SCUBE3: variants seen among roughly 807,000 people sequenced by gnomAD.
The protein encoded by SCUBE3 is signal peptide, CUB domain and EGF like domain containing 3, also known as signal peptide, CUB and EGF-like domain-containing protein 3.
A neutral mutation model predicts 116.8 loss-of-function variants in SCUBE3; 33 were observed. The ratio of observed to expected loss-of-function variants is 0.28; its 90% CI spans 0.21 to 0.38. The LOEUF (loss-of-function observed/expected upper bound fraction) is 0.38, where lower values mean the gene tolerates loss of function less well. Among genes scored for constraint, SCUBE3 ranks in the 10% least tolerant of loss-of-function variants. The probability of loss-of-function intolerance (pLI) is 1.00; values close to 1 mark genes in which losing one functional copy is unlikely to be tolerated. For missense variants in SCUBE3, 1,007 were observed against 1,324.8 expected, an observed-to-expected ratio of 0.76 and a Z score of 3.72; for synonymous variants, 418 against 496.9, an observed-to-expected ratio of 0.84 and a Z score of 2.11.
At chr6:35,237,269 A>G (rs1783814394) in intron 6 of SCUBE3, among the ~76,000 whole-genome samples, 1 of 152,194 alleles carries the variant, frequency 6.6e-6, no homozygotes, top group Admixed American at 6.5e-5. Context: ...AGGGTTTGGG[A>G]GGAGTTGAAG....
rs1784111279 is a variant in SCUBE3, at chr6:35,242,384, T to A, written c.1534+64T>A. ...CACTAAATCCTCCTTACCCCTCAGC[T>A]CCTCTGCTTCCAAAAACCCACCAGA... is the stretch of plus-strand genomic sequence containing the variant. On this transcript the variant is annotated intron_variant, in intron 13 of 21. Coordinates refer to ENST00000274938, the MANE Select transcript of SCUBE3 (RefSeq NM_152753.4). The A allele has an allele frequency of 4.1e-6, 5 of 1,207,876 alleles. No homozygotes were observed. In the South Asian group the frequency reaches 6.1e-5, roughly 15 times the overall value. 74.8% of individuals were successfully genotyped at this position (1,207,876 alleles called of 1,614,324 possible).
rs74676654 is a variant in SCUBE3, at chr6:35,248,765, G to A, written c.*60G>A. ...CCCAGACTCCTTAGCCCTCAGAGCC[G>A]GCAGCCCCCTACCCTCAGACAAGGA... is the stretch of plus-strand genomic sequence containing the variant. On this transcript the variant is annotated 3_prime_UTR_variant, in exon 22 of 22. Coordinates refer to ENST00000274938, the MANE Select transcript of SCUBE3 (RefSeq NM_152753.4). The A allele has an allele frequency of 0.011, 16,065 of 1,413,066 alleles. 1,647 individuals carry two copies. In the Admixed American group the frequency reaches 0.2, roughly 18 times the overall value. The allele number at this position is 1,413,066 out of a possible 1,614,324, so 87.5% of individuals were successfully genotyped here. A position where few individuals can be genotyped will look rare whatever the true frequency, so the allele number is the denominator to read the frequency against.
Position 35,241,117 on chromosome 6 carries a change from C to T in SCUBE3, c.1070-24C>T, listed in dbSNP as rs757961392. The T allele has an allele frequency of 6.4e-7, 1 of 1,566,518 alleles. No individual in the cohort carries two copies. The highest frequency in any genetic ancestry group is 8.7e-7 in the Non-Finnish European group (1 of 1,148,128). On this transcript the variant is annotated intron_variant, in intron 9 of 21. Transcript: ENST00000274938. The surrounding 1 kb of genome is among the most constrained non-coding windows in gnomAD (Gnocchi z 4.1). ...CTCCTCCAACTCCATCGTTGTTTTT[C>T]TGTCTCCCTACTCCTTCCCCCAGAT...
At position 35,244,270 on chromosome 6, in the gene SCUBE3, T is replaced by A. The variant is rs1334883028; in HGVS notation, c.2239+140T>A. The A allele has an allele frequency of 2.7e-6, 2 of 728,398 alleles. No homozygotes were observed. Among genetic ancestry groups the A allele is most frequent in the Non-Finnish European group, 4.5e-6 (2 of 447,176 alleles). 45.1% of individuals were successfully genotyped at this position (728,398 alleles called of 1,614,324 possible). A position where few individuals can be genotyped will look rare whatever the true frequency, so the allele number is the denominator to read the frequency against. ...CCCAGCTACTTGACCAACCATACCA[T>A]CCTGCTTCCAGGACCCACCCTGCCC... On this transcript the variant is annotated intron_variant, in intron 17 of 21. Coordinates refer to ENST00000274938, the MANE Select transcript of SCUBE3 (RefSeq NM_152753.4). This position sits in a 1 kb window ranked among gnomAD's most constrained non-coding sequence, Gnocchi z 4.3.
At chr6:35,248,471 C>T in intron 21 of SCUBE3, 85 bp from the exon 22 acceptor site, 1 of 1,297,026 alleles carries the variant, frequency 7.7e-7, no homozygotes, top group Non-Finnish European at 1.1e-6. Flanking sequence ...GCCTAGTAGA[C>T]ATCAAGAAGG....
chr6:35,241,373 G>A lies in SCUBE3; in HGVS notation c.1195+107G>A. The A allele has an allele frequency of 3.7e-6, 5 of 1,348,230 alleles. No homozygotes were observed. Among genetic ancestry groups the A allele is most frequent in the Non-Finnish European group, 5.2e-6 (5 of 963,150 alleles). 83.5% of individuals were successfully genotyped at this position (1,348,230 alleles called of 1,614,324 possible). A position where few individuals can be genotyped will look rare whatever the true frequency, so the allele number is the denominator to read the frequency against. ...ATTGGGGAAAGGTGTGAGGTGGAAAGGGTGGAGAATGTAGCCATTTTGAGT... is the reference window on the plus strand; with the variant it reads ...ATTGGGGAAAGGTGTGAGGTGGAAAAGGTGGAGAATGTAGCCATTTTGAGT... On this transcript the variant is annotated intron_variant, in intron 10 of 21. Transcript: ENST00000274938. This position sits in a 1 kb window ranked among gnomAD's most constrained non-coding sequence, Gnocchi z 4.1.
At position 35,233,160 on chromosome 6, in the gene SCUBE3, A is replaced by G; in HGVS notation, c.596-25A>G. On this transcript the variant is annotated intron_variant, in intron 5 of 21. Coordinates refer to ENST00000274938, the MANE Select transcript of SCUBE3 (RefSeq NM_152753.4). The surrounding 1 kb of genome is among the most constrained non-coding windows in gnomAD (Gnocchi z 5.7). ...TGGATGCAGGGAGGAGCAAGCTGAC[A>G]GGGCCCTGTCCTCTCTGTGCACAGT... The G allele has an allele frequency of 1.3e-6, 2 of 1,569,526 alleles. No individual in the cohort carries two copies. Among genetic ancestry groups the G allele is most frequent in the Non-Finnish European group, 1.8e-6 (2 of 1,140,424 alleles).
chr6:35,248,515 C>T, intron 21 of SCUBE3, 41 bp from the exon 22 acceptor site: 1 of 1,607,698 alleles, frequency 6.2e-7, no homozygotes, highest in Non-Finnish European at 8.5e-7. Context: ...TTTCCCACCC[C>T]CGACGGTGAG....
chr6:35,231,638 T>G lies in SCUBE3; in HGVS notation c.335-87T>G. The G allele has an allele frequency of 8.0e-7, 1 of 1,256,308 alleles. No homozygotes were observed. The highest frequency in any genetic ancestry group is 1.8e-5 in the South Asian group (1 of 55,454). The allele number at this position is 1,256,308 out of a possible 1,614,324, so 77.8% of individuals were successfully genotyped here. A position where few individuals can be genotyped will look rare whatever the true frequency, so the allele number is the denominator to read the frequency against. On this transcript the variant is annotated intron_variant, in intron 3 of 21. Coordinates refer to ENST00000274938, the MANE Select transcript of SCUBE3 (RefSeq NM_152753.4). The surrounding 1 kb of genome is among the most constrained non-coding windows in gnomAD (Gnocchi z 4.2). ...GCTGGGCTTAGGGGGTAGTAGTTCT[T>G]AAGACTGCCTTTGGTGCTGAAGTCT...
At chr6:35,248,445 A>G (rs1345395106) in intron 21 of SCUBE3, 111 bp from the exon 22 acceptor site, 2 of 983,834 alleles carry the variant, frequency 2.0e-6, no homozygotes, top group Non-Finnish European at 3.2e-6. Context: ...CCCTCTGGAT[A>G]TATTCAGTAT....
At chr6:35,242,065 C>A in intron 12 of SCUBE3, 139 bp from the exon 13 acceptor site, 1 of 840,344 alleles carries the variant, frequency 1.2e-6, no homozygotes, top group Non-Finnish European at 2.0e-6. Flanking sequence ...TCTGCCCTAA[C>A]ATCTGATCCC....
At chr6:35,226,055 G>T (rs140111752) in intron 1 of SCUBE3, among the ~76,000 whole-genome samples, 2 of 152,210 alleles carry the variant, frequency 1.3e-5, no homozygotes, top group Admixed American at 1.3e-4. Context: ...TTTCCAGCTG[G>T]AAGTAATCTC....
Position 35,241,986 on chromosome 6 carries a change from C to T in SCUBE3, c.1417+76C>T, listed in dbSNP as rs1232282946. 1.8e-6 allele frequency: 2 copies of T among 1,087,058 alleles called. No individual in the cohort carries two copies. Among genetic ancestry groups the T allele is most frequent in the Non-Finnish European group, 2.8e-6 (2 of 709,962 alleles). 67.3% of individuals were successfully genotyped at this position (1,087,058 alleles called of 1,614,324 possible). On this transcript the variant is annotated intron_variant, in intron 12 of 21. Coordinates refer to ENST00000274938, the MANE Select transcript of SCUBE3 (RefSeq NM_152753.4). This position sits in a 1 kb window ranked among gnomAD's most constrained non-coding sequence, Gnocchi z 4.1. ...CCCTTATTTTTGTTCTTCATCAATC[C>T]CCTGGCCTTCCTTTCTCCTGGATCC...
chr6:35,238,869 C>G (rs1783897037), intron 7 of SCUBE3, among the ~76,000 whole-genome samples: 1 of 152,122 alleles, frequency 6.6e-6, no homozygotes, highest in Admixed American at 6.6e-5. Context: ...TTCTTTGTGT[C>G]TTTTGGCCCA....
chr6:35,245,233 C>T lies in SCUBE3; in HGVS notation c.2407C>T (p.Gln803Ter). 6.2e-7 allele frequency: 1 copy of T among 1,614,132 alleles called. No individual in the cohort carries two copies. Among genetic ancestry groups the T allele is most frequent in the Non-Finnish European group, 8.5e-7 (1 of 1,179,974 alleles). Residue 803 changes from glutamine (Q) to a stop codon, truncating the protein, a stop_gained, in exon 19 of 22, where the codon CAG becomes TAG. Transcript: ENST00000274938. LOFTEE classifies it high-confidence loss of function. This position sits in a 1 kb window ranked among gnomAD's most constrained non-coding sequence, Gnocchi z 4.2. ...CCACTGGGGTTTGGCTGCAGATCGTCAGTGTGGTGGGGAGCTGGGTGAGTT... is the reference window on the plus strand; with the variant it reads ...CCACTGGGGTTTGGCTGCAGATCGTTAGTGTGGTGGGGAGCTGGGTGAGTT... ...STSVAQCKNR[Q>*]CGGELGEFTG...
chr6:35,224,543 G>C (rs1783245530), intron 1 of SCUBE3: 1 of 147,326 alleles, frequency 6.8e-6, no homozygotes, highest in Non-Finnish European at 1.5e-5. Flanking sequence ...CAGAAGAATA[G>C]CTTGAACCTG....
intron 13 of SCUBE3, 72 bp from the exon 14 acceptor site, chr6:35,242,550 G>C: frequency 7.5e-7 from 1 of 1,340,818 alleles, no homozygotes; most frequent in African/African-American, 1.4e-5. Flanking sequence ...AGAGATCTGG[G>C]GAGGTCTGTC....
At chr6:35,246,971 C>G (rs1282326615) in intron 21 of SCUBE3, among the ~76,000 whole-genome samples, 1 of 151,714 alleles carries the variant, frequency 6.6e-6, no homozygotes, top group Non-Finnish European at 1.5e-5. Context: ...AAGAGTGAAC[C>G]CTGTCTCAAA....
rs4711410 is a variant in SCUBE3, at chr6:35,246,394, G to A, written c.2832+109G>A. The A allele has an allele frequency of 3.8e-6, 3 of 798,780 alleles. No homozygotes were observed. The Admixed American group carries it at 6.5e-5, about 17-fold the overall frequency. The allele number at this position is 798,780 out of a possible 1,614,324, so 49.5% of individuals were successfully genotyped here. A position where few individuals can be genotyped will look rare whatever the true frequency, so the allele number is the denominator to read the frequency against. On this transcript the variant is annotated intron_variant, in intron 21 of 21. Transcript: ENST00000274938. ...ATATTCTCACTTGATAGACACAATA[G>A]CTCTATGAGGTAGGTGCTTTCTCCA...
Sources: gnomAD v4.1 joint callset for allele counts (sites outside exome capture counted in the v4.1 genomes callset) on GRCh38, gnomAD v4.1.1 for gene constraint, Gnocchi (gnomAD v3.1) non-coding constraint, MANE v1.5 for transcripts, NCBI Gene and HGNC (gene_info 2026-07-23, HGNC 2026-07-21) for gene names.